SAMMSON: variants seen among roughly 807,000 people sequenced by gnomAD.
SAMMSON encodes survival associated mitochondrial melanoma specific oncogenic non-coding RNA.
intron 2 of SAMMSON, among the ~76,000 whole-genome samples, chr3:70,399,011 C>T (rs1701114958): frequency 6.6e-6 from 1 of 152,172 alleles, no homozygotes; most frequent in Non-Finnish European, 1.5e-5. Context: ...TAGATTCATT[C>T]TGTTTTAGAG....
chr3:70,135,928 C>T (rs59312808), intron 4 of SAMMSON, among the ~76,000 whole-genome samples: 1 of 137,020 alleles, frequency 7.3e-6, no homozygotes, highest in Non-Finnish European at 1.6e-5. Context: ...TATAAAATAC[C>T]CTGTGTTCTC....
At chr3:70,428,083 C>T (rs541392770) in intron 2 of SAMMSON, among the ~76,000 whole-genome samples, 26 of 151,842 alleles carry the variant, frequency 1.7e-4, no homozygotes, top group African/African-American at 5.6e-4. Flanking sequence ...TAAAATACTG[C>T]GGAAAGAAAT....
chr3:70,362,886 A>G (rs1183446959), intron 9 of SAMMSON, among the ~76,000 whole-genome samples: 1 of 151,396 alleles, frequency 6.6e-6, no homozygotes, highest in Admixed American at 6.6e-5. Context: ...CAGAGTATAG[A>G]AAACATGTTA....
intron 3 of SAMMSON, among the ~76,000 whole-genome samples, chr3:70,036,683 A>G (rs904604361): frequency 6.6e-6 from 1 of 152,110 alleles, no homozygotes; most frequent in African/African-American, 2.4e-5. Context: ...AACCCATAGA[A>G]CAAAGCCAGG....
At chr3:70,276,183 G>C (rs1184552749) in intron 6 of SAMMSON, among the ~76,000 whole-genome samples, 1 of 152,000 alleles carries the variant, frequency 6.6e-6, no homozygotes, top group Non-Finnish European at 1.5e-5. Flanking sequence ...TATATAGCAG[G>C]TGTTCAATAA....
At chr3:70,380,236 A>G (rs1481020904) in intron 9 of SAMMSON, among the ~76,000 whole-genome samples, 1 of 152,090 alleles carries the variant, frequency 6.6e-6, no homozygotes, top group African/African-American at 2.4e-5. Flanking sequence ...TCTTACTGAT[A>G]TTATTGTTTT....
chr3:70,025,935 A>T (rs2067035564), intron 3 of SAMMSON, among the ~76,000 whole-genome samples: 1 of 152,154 alleles, frequency 6.6e-6, no homozygotes. Context: ...CATATTGAGT[A>T]GGCTGAGGAG....
At chr3:70,202,772 C>G (rs1701253670) in intron 4 of SAMMSON, among the ~76,000 whole-genome samples, 1 of 152,160 alleles carries the variant, frequency 6.6e-6, no homozygotes, top group Non-Finnish European at 1.5e-5. Context: ...AAAGTGATAC[C>G]CTAATGACAC....
intron 4 of SAMMSON, among the ~76,000 whole-genome samples, chr3:70,193,611 T>A (rs1349294140): frequency 6.6e-6 from 1 of 152,206 alleles, no homozygotes; most frequent in African/African-American, 2.4e-5. Flanking sequence ...ATGTGGCAAC[T>A]GTTTAGGTTT....
intron 4 of SAMMSON, among the ~76,000 whole-genome samples, chr3:70,108,409 A>G (rs552828190): frequency 9.7e-4 from 71 of 73,248 alleles, no homozygotes; most frequent in Middle Eastern, 0.01. Context: ...AGTGTTTCTC[A>G]ACTCTTGCGG....
intron 3 of SAMMSON, among the ~76,000 whole-genome samples, chr3:70,025,941 A>G (rs1263257836): frequency 6.6e-6 from 1 of 152,072 alleles, no homozygotes; most frequent in African/African-American, 2.4e-5. Context: ...GAGTAGGCTG[A>G]GGAGGAGGAG....
intron 3 of SAMMSON, among the ~76,000 whole-genome samples, chr3:70,051,060 A>T (rs183183540): frequency 1.0e-4 from 14 of 137,190 alleles, no homozygotes; most frequent in Non-Finnish European, 2.0e-4. Context: ...GCTTGAACCC[A>T]GGAGATGGAG....
chr3:70,314,829 A>G (rs1702484607), intron 7 of SAMMSON, among the ~76,000 whole-genome samples: 1 of 152,134 alleles, frequency 6.6e-6, no homozygotes, highest in South Asian at 2.1e-4. Context: ...ATTCCTACCC[A>G]CAAACCTGAG....
rs192493475 is a variant in SAMMSON at position 70,056,071 on chromosome 3, G to A, written n.418-15405G>A. Among the ~76,000 whole-genome samples the A allele has an allele frequency of 3.9e-5, 6 of 152,122 alleles. No individual in the cohort carries two copies. The East Asian group carries it at 1.2e-3, about 30-fold the overall frequency. On this transcript the variant is annotated intron_variant and non_coding_transcript_variant, in intron 3 of 9. Transcript: ENST00000642114. Reference sequence around the variant, plus strand: ...TCTTTCCAGGATCACTGCAGACTGAGCCAGAGCCCCATTTATAGATTAATC... The same window carrying A: ...TCTTTCCAGGATCACTGCAGACTGAACCAGAGCCCCATTTATAGATTAATC...
chr3:70,187,960 T>A (rs1236364510), intron 4 of SAMMSON, among the ~76,000 whole-genome samples: 1 of 152,066 alleles, frequency 6.6e-6, no homozygotes, highest in Non-Finnish European at 1.5e-5. Flanking sequence ...TCTCTGAGTG[T>A]TCACTTGGAC....
intron 9 of SAMMSON, among the ~76,000 whole-genome samples, chr3:70,382,903 T>C (rs1187962959): frequency 6.6e-6 from 1 of 152,136 alleles, no homozygotes; most frequent in Non-Finnish European, 1.5e-5. Context: ...GAAGGGTTAG[T>C]TTAAGGGAAA....
intron 6 of SAMMSON, among the ~76,000 whole-genome samples, chr3:70,266,070 T>C (rs1412532583): frequency 6.6e-6 from 1 of 152,230 alleles, no homozygotes; most frequent in Non-Finnish European, 1.5e-5. Flanking sequence ...AGAAATCTCT[T>C]TGTCTTTTGA....
downstream of SAMMSON, among the ~76,000 whole-genome samples, chr3:70,394,729 C>T (rs148251496): frequency 3.9e-5 from 6 of 152,200 alleles, no homozygotes; most frequent in African/African-American, 7.2e-5. Context: ...AAAAACTATA[C>T]GTAAAATCAC....
chr3:70,058,957 C>T (rs1050331892), intron 3 of SAMMSON, among the ~76,000 whole-genome samples: 17 of 151,918 alleles, frequency 1.1e-4, no homozygotes, highest in African/African-American at 3.6e-4. Flanking sequence ...CTCTTGTCAG[C>T]GGGAAGGTAT....
Sources: allele counts gnomAD v4.1 joint callset (sites outside exome capture counted in the v4.1 genomes callset), GRCh38; gene constraint gnomAD v4.1.1; transcripts MANE v1.5; gene names NCBI Gene and HGNC (gene_info 2026-07-23, HGNC 2026-07-21).